Variants in TAOK1 observed in about 807,000 individuals in gnomAD.
The protein encoded by TAOK1 is serine/threonine-protein kinase TAO1.
In TAOK1, 21 loss-of-function variants were observed where a neutral mutation model predicts 138.3. That is an observed-to-expected ratio of 0.15 (90% CI 0.11 to 0.22). TAOK1 has a LOEUF of 0.22. TAOK1 is among the 10% of genes least tolerant of loss of function. The probability of loss-of-function intolerance (pLI) is 1.00; values close to 1 mark genes in which losing one functional copy is unlikely to be tolerated. For synonymous variants in TAOK1, 361 were observed against 398.4 expected (o/e 0.91, Z 1.12); for missense variants, 651 against 1,227.7 (o/e 0.53, Z 7.02).
At chr17:29,496,191 C>G (rs990619849) in intron 11 of TAOK1, among the ~76,000 whole-genome samples, 3 of 152,146 alleles carry the variant, frequency 2.0e-5, no homozygotes, top group African/African-American at 7.2e-5. Flanking sequence ...ACCTCCACCT[C>G]CCTGGTTCAA....
intron 1 of TAOK1, among the ~76,000 whole-genome samples, chr17:29,423,662 A>T (rs1339453473): frequency 6.6e-6 from 1 of 152,072 alleles, no homozygotes; most frequent in Non-Finnish European, 1.5e-5. Context: ...AATATTTAGG[A>T]ATTTTCTTGA....
intron 1 of TAOK1, among the ~76,000 whole-genome samples, chr17:29,414,073 C>T (rs373814146): frequency 2.6e-5 from 4 of 151,428 alleles, no homozygotes; most frequent in African/African-American, 9.7e-5. Flanking sequence ...TTAGTAGAGA[C>T]GGGGTTTCAC....
chr17:29,548,915 G>T lies in TAOK1; in HGVS notation c.*5893G>T, dbSNP rs1043578436. On this transcript the variant is annotated 3_prime_UTR_variant, in exon 20 of 20. Coordinates refer to ENST00000261716, the MANE Select transcript of TAOK1 (RefSeq NM_020791.4). ...GGAAATGAAGCTTAATCATGGTCAG[G>T]TTTGAGATCTTTTGCAGTGAAATAA... 2.0e-5 allele frequency: 3 copies of T among 152,082 alleles called. No homozygotes were observed. Among genetic ancestry groups the T allele is most frequent in the African/African-American group, 7.2e-5 (3 of 41,416 alleles). 9.4% of individuals were successfully genotyped at this position (152,082 alleles called of 1,614,324 possible).
chr17:29,414,747 C>T (rs139243883), intron 1 of TAOK1, among the ~76,000 whole-genome samples: 5 of 145,716 alleles, frequency 3.4e-5, no homozygotes, highest in East Asian at 2.1e-4. Flanking sequence ...TTAATAGAGA[C>T]GGGGTTTCAC....
chr17:29,409,065 T>C (rs917559083), intron 1 of TAOK1, among the ~76,000 whole-genome samples: 8 of 152,054 alleles, frequency 5.3e-5, no homozygotes, highest in Admixed American at 2.0e-4. Context: ...TAGAGTTTCA[T>C]AGAAATGGAA....
chr17:29,548,924 C>A lies in TAOK1; in HGVS notation c.*5902C>A, dbSNP rs902357351. 5 of 152,098 alleles carry A rather than the reference C, an allele frequency of 3.3e-5. No individual in the cohort carries two copies. The East Asian group carries it at 9.6e-4, about 29-fold the overall frequency. 9.4% of individuals were successfully genotyped at this position (152,098 alleles called of 1,614,324 possible). The stretch of plus-strand genomic sequence containing the variant: ...GCTTAATCATGGTCAGGTTTGAGAT[C>A]TTTTGCAGTGAAATAATTTTATTTA... On this transcript the variant is annotated 3_prime_UTR_variant, in exon 20 of 20. Transcript: ENST00000261716.
At chr17:29,459,689 A>T (rs1234758702) in intron 2 of TAOK1, among the ~76,000 whole-genome samples, 2 of 152,188 alleles carry the variant, frequency 1.3e-5, no homozygotes, top group Non-Finnish European at 2.9e-5. Flanking sequence ...GGCTGTTGTG[A>T]ATAGTGCTGC....
At chr17:29,541,423 T>G (rs955432987) in intron 19 of TAOK1, among the ~76,000 whole-genome samples, 2 of 152,086 alleles carry the variant, frequency 1.3e-5, no homozygotes, top group African/African-American at 4.8e-5. Context: ...ATAGGACTTT[T>G]GACTTTAATG....
At chr17:29,533,831 G>GAAAGAGAGGGAGAGGGAGACCGTGC (rs1211613559) in intron 18 of TAOK1, among the ~76,000 whole-genome samples, 1 of 116,198 alleles carries the variant, frequency 8.6e-6, no homozygotes, top group Non-Finnish European at 1.9e-5. Context: ...GGAGACCGTG[G>GAAAGAGAGGGAGAGGGAGACCGTGC]GGAGAGGGAG....
intron 1 of TAOK1, among the ~76,000 whole-genome samples, chr17:29,433,865 G>T (rs144301547): frequency 2.6e-5 from 4 of 151,894 alleles, no homozygotes; most frequent in Non-Finnish European, 5.9e-5. Context: ...GACGAAGACC[G>T]ATCTTAACTG....
chr17:29,510,039 GTGTGTA>G (rs1193909886), intron 14 of TAOK1, among the ~76,000 whole-genome samples: 2 of 151,590 alleles, frequency 1.3e-5, no homozygotes, highest in African/African-American at 2.4e-5. Flanking sequence ...GCAAATATAT[GTGTGTA>G]TGTGTATGTG....
intron 1 of TAOK1, among the ~76,000 whole-genome samples, chr17:29,409,695 T>C (rs1486552294): frequency 6.6e-6 from 1 of 152,200 alleles, no homozygotes; most frequent in Non-Finnish European, 1.5e-5. Context: ...TTTGGGATTA[T>C]TTTTGATTTG....
intron 13 of TAOK1, among the ~76,000 whole-genome samples, chr17:29,504,657 G>C (rs182655545): frequency 2.3e-4 from 35 of 152,006 alleles, no homozygotes; most frequent in African/African-American, 6.3e-4. Flanking sequence ...GCGTCAGAGC[G>C]AGACTCTGTC....
At chr17:29,457,850 C>T (rs1043577853) in intron 2 of TAOK1, among the ~76,000 whole-genome samples, 6 of 152,058 alleles carry the variant, frequency 3.9e-5, no homozygotes, top group Admixed American at 6.5e-5. Flanking sequence ...GTGGCTCACG[C>T]GTGTAATCTC....
intron 3 of TAOK1, among the ~76,000 whole-genome samples, chr17:29,468,887 G>C (rs1471030927): frequency 2.0e-5 from 3 of 152,126 alleles, no homozygotes; most frequent in Non-Finnish European, 2.9e-5. Context: ...TTTAATGCCT[G>C]TTTTAAACAA....
At chr17:29,532,744 T>A (rs886304660) in intron 18 of TAOK1, among the ~76,000 whole-genome samples, 16 of 152,060 alleles carry the variant, frequency 1.1e-4, no homozygotes, top group African/African-American at 3.9e-4. Context: ...CATGTCTACT[T>A]CTTTCTACAC....
Position 29,545,912 on chromosome 17 carries a change from G to A in TAOK1, c.*2890G>A, listed in dbSNP as rs989853894. ...ATCAGAAGTTGTAAATGCTATATCT[G>A]GTATCCAGAGGCTGGCTGTAAAAAG... is the stretch of plus-strand genomic sequence containing the variant. On this transcript the variant is annotated 3_prime_UTR_variant, in exon 20 of 20. Coordinates refer to ENST00000261716, the MANE Select transcript of TAOK1 (RefSeq NM_020791.4). 3 of 152,060 alleles carry A rather than the reference G, an allele frequency of 2.0e-5. No homozygotes were observed. Among genetic ancestry groups the A allele is most frequent in the Non-Finnish European group, 4.4e-5 (3 of 67,964 alleles). 9.4% of individuals were successfully genotyped at this position (152,060 alleles called of 1,614,324 possible). A position where few individuals can be genotyped will look rare whatever the true frequency, so the allele number is the denominator to read the frequency against.
intron 18 of TAOK1, 144 bp from the exon 19 acceptor site, chr17:29,533,974 A>T (rs1288697334): frequency 2.7e-6 from 2 of 731,094 alleles, no homozygotes; most frequent in African/African-American, 1.8e-5. Context: ...AGAGATGTTT[A>T]CTCCAAGATA....
At chr17:29,400,339 G>A (rs1287508924) in intron 1 of TAOK1, among the ~76,000 whole-genome samples, 4 of 145,884 alleles carry the variant, frequency 2.7e-5, no homozygotes, top group African/African-American at 1.0e-4. Flanking sequence ...GCAATGAGCC[G>A]AGATCGCGCC....
Sources: allele counts gnomAD v4.1 joint callset (sites outside exome capture counted in the v4.1 genomes callset), GRCh38; gene constraint gnomAD v4.1.1; transcripts MANE v1.5; gene names NCBI Gene and HGNC (gene_info 2026-07-23, HGNC 2026-07-21).